Variants in MARK1 observed in about 807,000 individuals in gnomAD.
The protein encoded by MARK1 is microtubule affinity regulating kinase 1.
In MARK1, 40 loss-of-function variants were observed where a neutral mutation model predicts 96.3. That is an observed-to-expected ratio of 0.42 (90% confidence interval 0.32 to 0.54). MARK1 has a LOEUF of 0.54. Ranked by LOEUF, MARK1 falls within the 20% of genes least tolerant of loss-of-function variation. The probability of loss-of-function intolerance (pLI) is 0.16; values close to 1 mark genes in which losing one functional copy is unlikely to be tolerated. For missense variants in MARK1, 719 were observed against 984.6 expected, an observed-to-expected ratio of 0.73 and a Z score of 3.61; for synonymous variants, 317 against 341.2, an observed-to-expected ratio of 0.93 and a Z score of 0.78.
At chr1:220,604,225 G>T in intron 6 of MARK1, 88 bp downstream of exon 6, 1 of 662,232 alleles carries the variant, frequency 1.5e-6, no homozygotes, top group Non-Finnish European at 2.5e-6. Flanking sequence ...CACAGCACAT[G>T]GTATTTTAAA....
At chr1:220,560,364 A>T (rs978357026) in intron 1 of MARK1, among the ~76,000 whole-genome samples, 1 of 152,170 alleles carries the variant, frequency 6.6e-6, no homozygotes, top group African/African-American at 2.4e-5. Context: ...TTGCAACTTC[A>T]TGGTTAGATT....
At chr1:220,614,345 G>A (rs1032185261) in intron 6 of MARK1, among the ~76,000 whole-genome samples, 7 of 149,848 alleles carry the variant, frequency 4.7e-5, no homozygotes, top group Non-Finnish European at 4.5e-5. Context: ...AATGCATTTC[G>A]TCACCTCCCC....
intron 3 of MARK1, among the ~76,000 whole-genome samples, chr1:220,597,731 G>A (rs4846656): frequency 0.94 from 142,975 of 152,272 alleles, 67,836 homozygotes; most frequent in East Asian, 1. Context: ...AATGTGCCCT[G>A]TATTGTTTAA....
At chr1:220,638,296 C>T (rs778763579) in intron 13 of MARK1, among the ~76,000 whole-genome samples, 3 of 152,154 alleles carry the variant, frequency 2.0e-5, no homozygotes, top group Non-Finnish European at 2.9e-5. Context: ...CTTTGTCTAT[C>T]TCCATGTCTG....
chr1:220,544,709 A>G lies in MARK1; in HGVS notation c.51+15836A>G, dbSNP rs117216040. Among the ~76,000 whole-genome samples, 14 of 152,342 alleles carry G rather than the reference A, an allele frequency of 9.2e-5. No homozygotes were observed. The East Asian group carries it at 2.1e-3, about 23-fold the overall frequency. On this transcript the variant is annotated intron_variant, in intron 1 of 17. Transcript: ENST00000366917. ...TATTTAATACTGTTTTGACCACTGT[A>G]TCAGGTTAGTCCAGGTGGTAAACAA...
chr1:220,554,035 C>A (rs1662067789), intron 1 of MARK1, among the ~76,000 whole-genome samples: 1 of 152,118 alleles, frequency 6.6e-6, no homozygotes, highest in Non-Finnish European at 1.5e-5. Context: ...TACATGGTAC[C>A]CTTTCTTAAG....
At chr1:220,657,957 AT>A in intron 17 of MARK1, 123 bp downstream of exon 17, 1 of 641,086 alleles carries the variant, frequency 1.6e-6, no homozygotes, top group Non-Finnish European at 2.3e-6. Flanking sequence ...CGTATTTTAG[AT>A]TTTTATATTG....
At chr1:220,623,305 A>C (rs1667143712) in intron 9 of MARK1, among the ~76,000 whole-genome samples, 1 of 152,192 alleles carries the variant, frequency 6.6e-6, no homozygotes, top group Non-Finnish European at 1.5e-5. Flanking sequence ...TTACATATGC[A>C]TGAGGTTCAC....
chr1:220,646,686 G>A (rs1284477965), intron 13 of MARK1, among the ~76,000 whole-genome samples: 1 of 152,124 alleles, frequency 6.6e-6, no homozygotes, highest in Non-Finnish European at 1.5e-5. Context: ...AAACAGCATG[G>A]TATTGGTACA....
At position 220,581,107 on chromosome 1, in the gene MARK1, A is replaced by G; in HGVS notation, c.298A>G (p.Ser100Gly). ...IIDKTQLNPT[S>G]LQKLFREVRI... ...AGACAAAACTCAGCTAAATCCTACC[A>G]GTCTACAAAAGGTATTTAATTAATT... The change falls in exon 3 of 18, where the codon AGT (serine) becomes GGT (glycine). Residue 100 changes from serine to glycine, a missense_variant. Ser to Gly is a moderately conservative substitution (Grantham distance 56). Around this residue, in one of 4 missense-constraint regions of MARK1, gnomAD observed 105 missense variants for 133.4 expected, o/e 0.79. Transcript: ENST00000366917. 1 of 1,231,000 alleles carries G rather than the reference A, an allele frequency of 8.1e-7. No homozygotes were observed. The highest frequency in any genetic ancestry group is 2.3e-5 in the South Asian group (1 of 44,000). 76.3% of individuals were successfully genotyped at this position (1,231,000 alleles called of 1,614,324 possible).
At chr1:220,594,247 A>C (rs552722885) in intron 3 of MARK1, among the ~76,000 whole-genome samples, 1 of 152,330 alleles carries the variant, frequency 6.6e-6, no homozygotes, top group East Asian at 1.9e-4. Flanking sequence ...AAGAAATTAT[A>C]TAGATGGCAA....
At chr1:220,626,688 G>A (rs572999381) in intron 9 of MARK1, among the ~76,000 whole-genome samples, 50 of 152,170 alleles carry the variant, frequency 3.3e-4, no homozygotes, top group African/African-American at 1.1e-3. Context: ...CAGACATGGT[G>A]GTGCACTTCT....
chr1:220,528,738 T>G lies in MARK1; in HGVS notation c.-85T>G. On this transcript the variant is annotated 5_prime_UTR_variant, in exon 1 of 18. Transcript: ENST00000366917. ...CGCTCGCCCCGGCCTTGTGCTCGCG[T>G]CCGCACCCCTTTCCTGTCGCCCCCC... 1 of 1,315,112 alleles carries G rather than the reference T, an allele frequency of 7.6e-7. No individual in the cohort carries two copies. The highest frequency in any genetic ancestry group is 1.0e-6 in the Non-Finnish European group (1 of 958,272). The allele number at this position is 1,315,112 out of a possible 1,614,324, so 81.5% of individuals were successfully genotyped here.
chr1:220,590,822 T>G (rs532530819), intron 3 of MARK1, among the ~76,000 whole-genome samples: 3 of 152,312 alleles, frequency 2.0e-5, no homozygotes, highest in Middle Eastern at 6.8e-3. Flanking sequence ...TTATCGCTTA[T>G]GTTTTTTTCT....
intron 3 of MARK1, among the ~76,000 whole-genome samples, chr1:220,583,597 A>C (rs1462173300): frequency 6.6e-6 from 1 of 151,656 alleles, no homozygotes; most frequent in African/African-American, 2.4e-5. Context: ...GTTCTACCTC[A>C]TAGAATAATG....
intron 3 of MARK1, among the ~76,000 whole-genome samples, chr1:220,598,044 T>C (rs1028700166): frequency 2.0e-5 from 3 of 152,078 alleles, no homozygotes; most frequent in Non-Finnish European, 4.4e-5. Flanking sequence ...TAATTGTAAG[T>C]TTTACTGTGT....
At chr1:220,645,269 C>G (rs1242491690) in intron 13 of MARK1, among the ~76,000 whole-genome samples, 1 of 152,152 alleles carries the variant, frequency 6.6e-6, no homozygotes, top group Non-Finnish European at 1.5e-5. Context: ...AAACAACCAT[C>G]AGAGAATACT....
At chr1:220,600,062 G>C (rs1251518800) in intron 5 of MARK1, among the ~76,000 whole-genome samples, 199 bp downstream of exon 5, 6 of 151,828 alleles carry the variant, frequency 4.0e-5, no homozygotes, top group African/African-American at 9.7e-5. Context: ...GGAATTTTTG[G>C]CTTATTTACA....
chr1:220,630,970 A>G, intron 9 of MARK1, 65 bp from the exon 10 acceptor site: 2 of 1,114,198 alleles, frequency 1.8e-6, no homozygotes, highest in Non-Finnish European at 2.7e-6. Context: ...ATTTGCTAAA[A>G]TAGAGCTATA....
Sources: allele counts gnomAD v4.1 joint callset (sites outside exome capture counted in the v4.1 genomes callset), GRCh38; gene constraint gnomAD v4.1.1; regional missense constraint gnomAD v4.1.1; transcripts MANE v1.5; gene names NCBI Gene and HGNC (gene_info 2026-07-23, HGNC 2026-07-21).